IMMP2L: variants seen among roughly 807,000 people sequenced by gnomAD.
The protein encoded by IMMP2L is inner mitochondrial membrane peptidase subunit 2.
A neutral mutation model predicts 19.3 loss-of-function variants in IMMP2L; 18 were observed. The observed-to-expected ratio is 0.93, with a 90% CI of 0.64 to 1.38. IMMP2L has a LOEUF of 1.38. Among genes scored for constraint, IMMP2L ranks in the 40% most tolerant of loss-of-function variants. IMMP2L has a pLI of 0.00. For synonymous variants in IMMP2L, 76 were observed against 73.0 expected, an observed-to-expected ratio of 1.04 and a Z score of -0.21; for missense variants, 233 against 218.2, an observed-to-expected ratio of 1.07 and a Z score of -0.43.
At chr7:110,853,270 C>T (rs1182573343) in intron 5 of IMMP2L, among the ~76,000 whole-genome samples, 1 of 151,824 alleles carries the variant, frequency 6.6e-6, no homozygotes, top group East Asian at 1.9e-4. Context: ...ACTTTATACA[C>T]ATATGTATTC....
At chr7:111,395,487 C>G (rs1832773309) in intron 3 of IMMP2L, among the ~76,000 whole-genome samples, 1 of 152,056 alleles carries the variant, frequency 6.6e-6, no homozygotes, top group South Asian at 2.1e-4. Context: ...AATGAATGTG[C>G]TAGTATAAGA....
chr7:111,102,083 T>TA (rs879353268), intron 3 of IMMP2L, among the ~76,000 whole-genome samples: 1,995 of 145,292 alleles, frequency 0.014, 43 homozygotes, highest in African/African-American at 0.043. Context: ...TCAATTTCTT[T>TA]AAAAAAAAAA....
At chr7:111,308,630 T>C (rs542023303) in intron 3 of IMMP2L, among the ~76,000 whole-genome samples, 7 of 151,814 alleles carry the variant, frequency 4.6e-5, no homozygotes, top group Admixed American at 4.6e-4. Flanking sequence ...GGTATCATCA[T>C]ACAAAAGAAA....
At chr7:111,288,031 T>C (rs964567070) in intron 3 of IMMP2L, among the ~76,000 whole-genome samples, 20 of 152,312 alleles carry the variant, frequency 1.3e-4, no homozygotes, top group African/African-American at 4.8e-4. Context: ...ACATTACATT[T>C]CTAAGAGTCA....
At chr7:111,504,116 A>C (rs956295305) in intron 2 of IMMP2L, among the ~76,000 whole-genome samples, 1 of 152,198 alleles carries the variant, frequency 6.6e-6, no homozygotes, top group African/African-American at 2.4e-5. Context: ...AAGCAACTTC[A>C]GCAAAGTCTC....
At chr7:111,450,224 T>C (rs891513396) in intron 3 of IMMP2L, among the ~76,000 whole-genome samples, 1 of 150,294 alleles carries the variant, frequency 6.7e-6, no homozygotes, top group African/African-American at 2.5e-5. Context: ...AAAGTTCATA[T>C]GGAACCAAAA....
intron 5 of IMMP2L, among the ~76,000 whole-genome samples, chr7:110,751,152 C>G (rs1210066759): frequency 6.6e-6 from 1 of 151,370 alleles, no homozygotes. Context: ...CCACTTCGTC[C>G]CTCACTAAGA....
rs60682653 is a variant in IMMP2L at position 111,068,302 on chromosome 7, G to T, written c.240-104737C>A. On this transcript the variant is annotated intron_variant, in intron 3 of 5. Transcript: ENST00000405709. ...ACTGATGGGCAGCATTTTTCATTGT[G>T]AGAAATAAATATTTCATAATAAACT... Among the ~76,000 whole-genome samples the T allele has an allele frequency of 1.7e-3, 260 of 152,098 alleles. 2 individuals are homozygous for T. Among genetic ancestry groups the T allele is most frequent in the African/African-American group, 6.0e-3 (248 of 41,480 alleles).
At chr7:111,169,614 G>A (rs1040892641) in intron 3 of IMMP2L, among the ~76,000 whole-genome samples, 1 of 151,740 alleles carries the variant, frequency 6.6e-6, no homozygotes. Context: ...TCTTCCCATA[G>A]CATTTGCCCT....
intron 3 of IMMP2L, among the ~76,000 whole-genome samples, chr7:111,254,654 T>C (rs932078624): frequency 2.0e-5 from 3 of 152,096 alleles, no homozygotes; most frequent in East Asian, 1.9e-4. Flanking sequence ...TTAGCATGTA[T>C]AGTTGTCCCT....
At chr7:111,303,978 G>GA (rs943284676) in intron 3 of IMMP2L, among the ~76,000 whole-genome samples, 12 of 151,318 alleles carry the variant, frequency 7.9e-5, no homozygotes, top group Non-Finnish European at 1.0e-4. Context: ...TATAGGAAAA[G>GA]AAAAAAAACA....
chr7:111,397,246 C>T (rs959304725), intron 3 of IMMP2L, among the ~76,000 whole-genome samples: 6 of 151,916 alleles, frequency 3.9e-5, no homozygotes, highest in Admixed American at 1.3e-4. Flanking sequence ...CATTTTGTAA[C>T]TTGCTTTTTT....
chr7:111,227,464 T>C (rs1004375415), intron 3 of IMMP2L, among the ~76,000 whole-genome samples: 4 of 152,126 alleles, frequency 2.6e-5, no homozygotes, highest in African/African-American at 9.7e-5. Context: ...TAGTTATTTT[T>C]ACAGCACCCA....
chr7:110,670,710 A>AAC (rs1562904793), intron 5 of IMMP2L, among the ~76,000 whole-genome samples: 41 of 147,072 alleles, frequency 2.8e-4, no homozygotes, highest in African/African-American at 1.0e-3. Context: ...AAAAACAAAA[A>AAC]AAACAAAAAA....
intron 5 of IMMP2L, among the ~76,000 whole-genome samples, chr7:110,820,134 A>C (rs939450872): frequency 6.6e-6 from 1 of 152,074 alleles, no homozygotes; most frequent in African/African-American, 2.4e-5. Context: ...TAAATTCAAT[A>C]AGAATCTAAA....
At chr7:111,108,854 A>T (rs1798848361) in intron 3 of IMMP2L, among the ~76,000 whole-genome samples, 2 of 152,194 alleles carry the variant, frequency 1.3e-5, no homozygotes, top group South Asian at 4.1e-4. Flanking sequence ...ATGGAAATTT[A>T]TAATTAAAAG....
At chr7:111,196,530 A>G (rs1586782232) in intron 3 of IMMP2L, among the ~76,000 whole-genome samples, 1 of 152,324 alleles carries the variant, frequency 6.6e-6, no homozygotes, top group East Asian at 1.9e-4. Flanking sequence ...AGAGTCTCCT[A>G]TACACTATTT....
At chr7:111,065,229 C>G (rs1315601406) in intron 3 of IMMP2L, among the ~76,000 whole-genome samples, 1 of 152,102 alleles carries the variant, frequency 6.6e-6, no homozygotes, top group Non-Finnish European at 1.5e-5. Flanking sequence ...TATCATGTGA[C>G]ATAAGATTTA....
At chr7:110,948,250 A>G (rs1309510928) in intron 4 of IMMP2L, among the ~76,000 whole-genome samples, 1 of 150,110 alleles carries the variant, frequency 6.7e-6, no homozygotes, top group Non-Finnish European at 1.5e-5. Context: ...TAAAACAGCA[A>G]ACAGATTTTA....
Sources: allele counts gnomAD v4.1 joint callset (sites outside exome capture counted in the v4.1 genomes callset), GRCh38; gene constraint gnomAD v4.1.1; transcripts MANE v1.5; gene names NCBI Gene and HGNC (gene_info 2026-07-23, HGNC 2026-07-21).